Variants in FRMD4A observed in about 807,000 individuals in gnomAD.
The protein encoded by FRMD4A is FERM domain-containing protein 4A.
FRMD4A carries 29 observed loss-of-function variants against 129.1 expected under a neutral mutation model. That is an observed-to-expected ratio of 0.22 (90% CI 0.17 to 0.31). The LOEUF (loss-of-function observed/expected upper bound fraction) is 0.31. FRMD4A is among the 10% of genes least tolerant of loss of function. The pLI, the probability that FRMD4A is intolerant of heterozygous loss-of-function variation, is 1.00. For missense variants in FRMD4A, 1,272 were observed against 1,375.8 expected, an observed-to-expected ratio of 0.92 and a Z score of 1.19; for synonymous variants, 634 against 571.6, an observed-to-expected ratio of 1.11 and a Z score of -1.56.
At chr10:13,877,114 A>G (rs1400296734) in intron 2 of FRMD4A, among the ~76,000 whole-genome samples, 1 of 152,182 alleles carries the variant, frequency 6.6e-6, no homozygotes, top group African/African-American at 2.4e-5. Flanking sequence ...TATAGTCATA[A>G]TCTCCATTGC....
rs540315032 is a variant in FRMD4A, at chr10:13,834,718, G to A, written c.112-23810C>T. Among the ~76,000 whole-genome samples the A allele has an allele frequency of 2.0e-5, 3 of 152,244 alleles. No individual in the cohort carries two copies. The South Asian group carries it at 6.2e-4, about 32-fold the overall frequency. ...GAGAACAAGGCACGGGGCTCCACAG[G>A]GGGTGAACAGGGAACTGAGACCAGC... is the stretch of plus-strand genomic sequence containing the variant. On this transcript the variant is annotated intron_variant, in intron 3 of 24. Coordinates refer to ENST00000357447, the MANE Select transcript of FRMD4A (RefSeq NM_018027.5).
chr10:14,104,909 G>A (rs1393573653), intron 2 of FRMD4A, among the ~76,000 whole-genome samples: 2 of 152,196 alleles, frequency 1.3e-5, no homozygotes, highest in African/African-American at 2.4e-5. Flanking sequence ...TGAGAAGTGT[G>A]CCCTTAGATA....
At chr10:13,746,588 C>A (rs1474715093) in intron 9 of FRMD4A, among the ~76,000 whole-genome samples, 2 of 152,080 alleles carry the variant, frequency 1.3e-5, no homozygotes, top group Non-Finnish European at 2.9e-5. Flanking sequence ...GGATAAGTGT[C>A]CAGACAAGAC....
At chr10:13,812,618 G>C (rs10906496) in intron 3 of FRMD4A, among the ~76,000 whole-genome samples, 1 of 152,062 alleles carries the variant, frequency 6.6e-6, no homozygotes, top group Non-Finnish European at 1.5e-5. Context: ...AGCTAGCGCT[G>C]AGTTTAAAAA....
chr10:13,699,273 C>T (rs773133289), intron 14 of FRMD4A, among the ~76,000 whole-genome samples: 185 of 113,174 alleles, frequency 1.6e-3, no homozygotes, highest in Non-Finnish European at 2.6e-3. Flanking sequence ...GACTGGGTTT[C>T]CCCATGTTTG....
chr10:13,849,544 G>A (rs371530361), intron 3 of FRMD4A, among the ~76,000 whole-genome samples: 1 of 150,132 alleles, frequency 6.7e-6, no homozygotes, highest in East Asian at 2.0e-4. Flanking sequence ...GCAATGGTGC[G>A]ATCTTGGCTC....
intron 2 of FRMD4A, among the ~76,000 whole-genome samples, chr10:13,901,809 G>A (rs907876167): frequency 6.6e-6 from 1 of 152,142 alleles, no homozygotes; most frequent in Admixed American, 6.5e-5. Context: ...GAACAGGCGA[G>A]TGAGCTTCTC....
intron 5 of FRMD4A, among the ~76,000 whole-genome samples, chr10:13,790,994 CA>C (rs2092988426): frequency 1.3e-5 from 2 of 152,212 alleles, no homozygotes; most frequent in Non-Finnish European, 2.9e-5. Context: ...GATTGAGGTA[CA>C]CGTGGATCAG....
chr10:13,768,851 G>C (rs2092368711), intron 6 of FRMD4A, among the ~76,000 whole-genome samples: 1 of 152,024 alleles, frequency 6.6e-6, no homozygotes, highest in Non-Finnish European at 1.5e-5. Flanking sequence ...AAGTGACTTG[G>C]AAATATAAAA....
chr10:13,958,352 C>T lies in FRMD4A; in HGVS notation c.46-99440G>A, dbSNP rs189964912. On this transcript the variant is annotated intron_variant, in intron 2 of 24. Coordinates refer to ENST00000357447, the MANE Select transcript of FRMD4A (RefSeq NM_018027.5). ...AGGCTGGAGTGCAGTGGCGCGATCT[C>T]GGCTCACTGCAAGCTCCGCCTCCCG... Among the ~76,000 whole-genome samples the T allele has an allele frequency of 2.4e-3, 331 of 140,328 alleles. 1 individual carries two copies. The highest frequency in any genetic ancestry group is 8.5e-3 in the African/African-American group (311 of 36,706). The allele number at this position is 140,328 out of a possible 152,430, so 92.1% of individuals were successfully genotyped here.
In FRMD4A at chr10:14,008,990, C is replaced by G. The variant is rs536447709; in HGVS notation, c.46-150078G>C. Among the ~76,000 whole-genome samples the G allele has an allele frequency of 1.3e-4, 20 of 152,306 alleles. No homozygotes were observed. The South Asian group carries it at 3.9e-3, about 30-fold the overall frequency. ...AACAGGCTTGTGTTTGGCACCTTCT[C>G]ATTTAAATGTTTGTGTTATAGAACA... is the stretch of plus-strand genomic sequence containing the variant. On this transcript the variant is annotated intron_variant, in intron 2 of 24. Transcript: ENST00000357447.
chr10:13,756,786 TC>T (rs2091884131), intron 8 of FRMD4A, among the ~76,000 whole-genome samples: 2 of 152,174 alleles, frequency 1.3e-5, no homozygotes, highest in South Asian at 4.1e-4. Context: ...TCAGTTAAGG[TC>T]CCTTATAGAC....
chr10:14,252,843 T>C (rs571469130), intron 2 of FRMD4A, among the ~76,000 whole-genome samples: 25 of 152,366 alleles, frequency 1.6e-4, no homozygotes, highest in African/African-American at 5.3e-4. Flanking sequence ...GGTTAGCAAA[T>C]GGTATTTTTC....
chr10:14,057,137 A>G (rs1356866732), intron 2 of FRMD4A, among the ~76,000 whole-genome samples: 2 of 152,220 alleles, frequency 1.3e-5, no homozygotes, highest in African/African-American at 4.8e-5. Flanking sequence ...AATTGAAGGC[A>G]TTTTGCTTAT....
At chr10:13,692,846 G>A (rs962650775) in intron 15 of FRMD4A, 6 of 152,040 alleles carry the variant, frequency 3.9e-5, no homozygotes, top group Non-Finnish European at 8.8e-5. Context: ...CATCAATCAG[G>A]TTTTTTTCTC....
chr10:13,765,395 G>A (rs1238715729), intron 6 of FRMD4A, among the ~76,000 whole-genome samples: 2 of 152,054 alleles, frequency 1.3e-5, no homozygotes. Flanking sequence ...GGAATTACAG[G>A]CATGAGCCAC....
At chr10:14,256,721 G>A (rs896322164) in intron 2 of FRMD4A, among the ~76,000 whole-genome samples, 28 of 152,254 alleles carry the variant, frequency 1.8e-4, no homozygotes, top group African/African-American at 6.5e-4. Context: ...AGTGGATCAT[G>A]CCTATAATCC....
chr10:14,298,297 G>GA (rs1274574021), intron 2 of FRMD4A, among the ~76,000 whole-genome samples: 1 of 152,204 alleles, frequency 6.6e-6, no homozygotes, highest in Non-Finnish European at 1.5e-5. Context: ...GAAGATATAA[G>GA]AAAAATCACT....
chr10:13,890,210 C>T (rs894274326), intron 2 of FRMD4A, among the ~76,000 whole-genome samples: 2 of 152,206 alleles, frequency 1.3e-5, no homozygotes, highest in African/African-American at 4.8e-5. Context: ...GGGCTTGATA[C>T]AATTTAAAGA....
Sources: gnomAD v4.1 joint callset for allele counts (sites outside exome capture counted in the v4.1 genomes callset) on GRCh38, gnomAD v4.1.1 for gene constraint, MANE v1.5 for transcripts, NCBI Gene and HGNC (gene_info 2026-07-23, HGNC 2026-07-21) for gene names.